The following ZNF710 variants were observed in gnomAD, a reference collection of about 807,000 sequenced individuals.
ZNF710 encodes zinc finger protein 710.
ZNF710 carries 13 observed loss-of-function variants against 50.6 expected under a neutral mutation model. The observed-to-expected ratio is 0.26, with a 90% CI of 0.17 to 0.41. The LOEUF (loss-of-function observed/expected upper bound fraction) is 0.41, where lower values mean the gene tolerates loss of function less well. ZNF710 is among the 10% of genes least tolerant of loss of function. ZNF710 has a pLI of 1.00. For missense variants in ZNF710, 721 were observed against 936.6 expected (o/e 0.77, Z 3.01); for synonymous variants, 383 against 397.0 (o/e 0.96, Z 0.42).
chr15:90,014,512 TAAA>T (rs61272254), intron 1 of ZNF710, among the ~76,000 whole-genome samples: 5 of 123,878 alleles, frequency 4.0e-5, no homozygotes, highest in African/African-American at 5.9e-5. Flanking sequence ...CCCTATCTCT[TAAA>T]AAAAAAAAAA....
rs1361577461 is a variant in ZNF710, at chr15:90,062,402, A to T, written c.-28-4708A>T. Among the ~76,000 whole-genome samples the T allele has an allele frequency of 6.6e-6, 1 of 152,134 alleles. No homozygotes were observed. The highest frequency in any genetic ancestry group is 2.4e-5 in the African/African-American group (1 of 41,414). ...GCCAGTGGTCGCCCCTCATCTTGCC[A>T]GCCTGGGGCAGTCTGAGCTCCCCTT... On this transcript the variant is annotated intron_variant, in intron 1 of 4. Transcript: ENST00000268154. This position sits in a 1 kb window ranked among gnomAD's most constrained non-coding sequence, Gnocchi z 5.6.
rs1241115244 is a variant in ZNF710, at chr15:90,062,510, CCAG to C, written c.-28-4599_-28-4597del. On this transcript the variant is annotated intron_variant, in intron 1 of 4. Transcript: ENST00000268154. The surrounding 1 kb of genome is among the most constrained non-coding windows in gnomAD (Gnocchi z 5.6). ...GCCCTGCTCTAAGAAGGGAGGGGCC[CCAG>C]TGGGGCCCCAGGCGGATGACAGAGG... Among the ~76,000 whole-genome samples the C allele has an allele frequency of 6.6e-6, 1 of 152,106 alleles. No individual in the cohort carries two copies. Among genetic ancestry groups the C allele is most frequent in the African/African-American group, 2.4e-5 (1 of 41,416 alleles).
rs1035555195 is a variant in ZNF710 at position 90,062,527 on chromosome 15, G to A, written c.-28-4583G>A. ...GAGGGGCCCCAGTGGGGCCCCAGGC[G>A]GATGACAGAGGGGCCTTGGGTTGGG... On this transcript the variant is annotated intron_variant, in intron 1 of 4. Transcript: ENST00000268154. The surrounding 1 kb of genome is among the most constrained non-coding windows in gnomAD (Gnocchi z 5.6). Among the ~76,000 whole-genome samples the A allele has an allele frequency of 5.9e-5, 9 of 152,118 alleles. No homozygotes were observed. The highest frequency in any genetic ancestry group is 2.6e-4 in the Admixed American group (4 of 15,256).
At chr15:90,063,846 T>C (rs1370633870) in intron 1 of ZNF710, among the ~76,000 whole-genome samples, 4 of 152,104 alleles carry the variant, frequency 2.6e-5, no homozygotes, top group South Asian at 4.1e-4. Context: ...GGCTGATTCC[T>C]GGTATTAGGC....
chr15:90,074,016 A>AAAATAATAGGATTATGGCCCAGCC, intron 3 of ZNF710, 100 bp from the exon 4 acceptor site: 1 of 1,344,442 alleles, frequency 7.4e-7, no homozygotes, highest in Non-Finnish European at 1.0e-6. Context: ...AAAAAAACAA[A>AAAATAATAGGATTATGGCCCAGCC]AGAATAGGAT....
At chr15:90,050,096 C>T (rs554792248) in intron 1 of ZNF710, among the ~76,000 whole-genome samples, 7 of 152,378 alleles carry the variant, frequency 4.6e-5, no homozygotes, top group Admixed American at 1.3e-4. Flanking sequence ...TCAGCTGATA[C>T]GTTGCACCAG....
chr15:90,012,258 T>C (rs1034080195), intron 1 of ZNF710, among the ~76,000 whole-genome samples: 1 of 148,734 alleles, frequency 6.7e-6, no homozygotes. Flanking sequence ...TTCCCTTAGA[T>C]AAATTCTTCT....
chr15:90,030,713 T>C (rs1362692397), intron 1 of ZNF710, among the ~76,000 whole-genome samples: 1 of 151,508 alleles, frequency 6.6e-6, no homozygotes, highest in Non-Finnish European at 1.5e-5. Flanking sequence ...GAGGGTCATT[T>C]CAAATTAAAA....
chr15:90,052,928 G>T (rs566408259), intron 1 of ZNF710, among the ~76,000 whole-genome samples: 2 of 152,238 alleles, frequency 1.3e-5, no homozygotes, highest in Admixed American at 1.3e-4. Flanking sequence ...GAGAGACTCT[G>T]CCTCAAAAAA....
At chr15:90,036,669 G>A (rs2151491288) in intron 1 of ZNF710, among the ~76,000 whole-genome samples, 1 of 152,342 alleles carries the variant, frequency 6.6e-6, no homozygotes, top group African/African-American at 2.4e-5. Flanking sequence ...CTCGAGCTGG[G>A]GGTGGGGCAG....
intron 1 of ZNF710, among the ~76,000 whole-genome samples, chr15:90,018,357 C>T (rs1199422791): frequency 6.6e-6 from 1 of 151,780 alleles, no homozygotes; most frequent in Non-Finnish European, 1.5e-5. Flanking sequence ...TTAGTAGAGC[C>T]GGGGTTTCAC....
At chr15:90,024,575 C>T (rs887883535) in intron 1 of ZNF710, among the ~76,000 whole-genome samples, 1 of 152,248 alleles carries the variant, frequency 6.6e-6, no homozygotes, top group Non-Finnish European at 1.5e-5. Flanking sequence ...GCTGCAAGGC[C>T]GTGGCGCCTG....
upstream of ZNF710, among the ~76,000 whole-genome samples, chr15:89,998,462 A>T (rs1382289321): frequency 6.6e-6 from 1 of 152,194 alleles, no homozygotes. Context: ...GGCCATCTTG[A>T]TCGGATGTGG....
rs894260377 is a variant in ZNF710 at position 90,002,252 on chromosome 15, C to G, written c.-29+638C>G. On this transcript the variant is annotated intron_variant, in intron 1 of 4. Transcript: ENST00000268154. ...GGGGGTGGGGGAGAGCTGAGCGCGC[C>G]GCTGGCGGGGCTGGGGGCGTCCCCG... Among the ~76,000 whole-genome samples the G allele has an allele frequency of 2.8e-3, 427 of 151,774 alleles. 9 individuals carry two copies. Among genetic ancestry groups the G allele is most frequent in the Admixed American group, 3.8e-3 (58 of 15,264 alleles).
chr15:90,072,863 G>A (rs1900438694), intron 2 of ZNF710, among the ~76,000 whole-genome samples: 2 of 152,180 alleles, frequency 1.3e-5, no homozygotes, highest in Admixed American at 6.5e-5. Flanking sequence ...TTACTGAAAG[G>A]CTTCCTGGAG....
chr15:90,053,762 AG>A (rs1405117245), intron 1 of ZNF710, among the ~76,000 whole-genome samples: 1 of 152,076 alleles, frequency 6.6e-6, no homozygotes, highest in Non-Finnish European at 1.5e-5. Context: ...CTGACCTCAG[AG>A]AAGCAGGGCC....
intron 1 of ZNF710, among the ~76,000 whole-genome samples, chr15:90,051,470 T>A (rs1030639950): frequency 1.3e-5 from 2 of 151,606 alleles, no homozygotes; most frequent in Non-Finnish European, 2.9e-5. Context: ...CTGCCTCTAC[T>A]AAAAATACAA....
chr15:90,074,003 A>AC lies in ZNF710; in HGVS notation c.1651-113_1651-112insC, dbSNP rs1161436155. ...AGAGTCTGTCTCAAAAAAAAAACAA[A>AC]AAAAAAAAACAAAAGAATAGGATTC... On this transcript the variant is annotated intron_variant, in intron 3 of 4. Coordinates refer to ENST00000268154, the MANE Select transcript of ZNF710 (RefSeq NM_198526.4). 9.7e-5 allele frequency: 118 copies of AC among 1,214,232 alleles called. 4 individuals carry two copies. The highest frequency in any genetic ancestry group is 3.7e-4 in the South Asian group (22 of 59,672). The allele number at this position is 1,214,232 out of a possible 1,614,324, so 75.2% of individuals were successfully genotyped here. A position where few individuals can be genotyped will look rare whatever the true frequency, so the allele number is the denominator to read the frequency against.
intron 1 of ZNF710, among the ~76,000 whole-genome samples, chr15:90,027,508 C>T (rs1322345467): frequency 1.3e-5 from 2 of 152,040 alleles, no homozygotes; most frequent in East Asian, 3.8e-4. Context: ...TATGCCCAGC[C>T]ATTGATATTT....
Sources: allele counts gnomAD v4.1 joint callset (sites outside exome capture counted in the v4.1 genomes callset), GRCh38; gene constraint gnomAD v4.1.1; non-coding constraint Gnocchi (gnomAD v3.1); transcripts MANE v1.5; gene names NCBI Gene and HGNC (gene_info 2026-07-23, HGNC 2026-07-21).